Variants in JMJD1C observed in about 807,000 individuals in gnomAD.
The protein encoded by JMJD1C is jumonji domain containing 1C.
A neutral mutation model predicts 245.3 loss-of-function variants in JMJD1C; 31 were observed. That is an observed-to-expected ratio of 0.13 (90% CI 0.09 to 0.17). The LOEUF (loss-of-function observed/expected upper bound fraction) is 0.17, where lower values mean the gene tolerates loss of function less well. Among genes scored for constraint, JMJD1C ranks in the 10% least tolerant of loss-of-function variants. JMJD1C has a pLI of 1.00. For missense variants in JMJD1C, 2,691 were observed against 3,000.2 expected, an observed-to-expected ratio of 0.90 and a Z score of 2.41; for synonymous variants, 1,057 against 1,017.4, an observed-to-expected ratio of 1.04 and a Z score of -0.74.
At chr10:63,213,107 A>C (rs1847558874) in intron 8 of JMJD1C, among the ~76,000 whole-genome samples, 1 of 150,156 alleles carries the variant, frequency 6.7e-6, no homozygotes, top group Non-Finnish European at 1.5e-5. Context: ...AATTGCTTGA[A>C]CCTGGGAGGC....
chr10:63,484,236 G>GATA (rs1953916795), intron 1 of JMJD1C, among the ~76,000 whole-genome samples: 46 of 92,740 alleles, frequency 5.0e-4, no homozygotes, highest in African/African-American at 1.4e-3. Context: ...ATGGATGGAT[G>GATA]GATAGATAGA....
intron 1 of JMJD1C, among the ~76,000 whole-genome samples, chr10:63,410,527 C>A (rs1167891861): frequency 6.6e-6 from 1 of 152,100 alleles, no homozygotes; most frequent in Admixed American, 6.6e-5. Flanking sequence ...GAAAAACCTT[C>A]CATAAGAATC....
intron 2 of JMJD1C, among the ~76,000 whole-genome samples, chr10:63,378,991 T>C (rs1240793031): frequency 6.6e-6 from 1 of 152,144 alleles, no homozygotes; most frequent in Non-Finnish European, 1.5e-5. Flanking sequence ...ATTTTGTTTT[T>C]AAAAATGCCA....
chr10:63,488,847 G>C (rs550413305), intron 1 of JMJD1C, among the ~76,000 whole-genome samples: 1 of 152,052 alleles, frequency 6.6e-6, no homozygotes. Context: ...TCTTATTCTG[G>C]GTGCTGTTTA....
chr10:63,316,807 G>C (rs980547262), intron 2 of JMJD1C, among the ~76,000 whole-genome samples: 4 of 152,040 alleles, frequency 2.6e-5, no homozygotes, highest in South Asian at 2.1e-4. Context: ...GAATTGTATT[G>C]ATCAAGTTAA....
Position 63,191,034 on chromosome 10 carries a change from T to C in JMJD1C, c.6151A>G (p.Arg2051Gly), listed in dbSNP as rs747209324. The C allele has an allele frequency of 6.2e-7, 1 of 1,614,216 alleles. No individual in the cohort carries two copies. Among genetic ancestry groups the C allele is most frequent in the Non-Finnish European group, 8.5e-7 (1 of 1,179,990 alleles). The change falls in exon 17 of 26, where the codon AGA becomes GGA. Residue 2051 changes from arginine (R) to glycine (G), a missense_variant. By Grantham distance (125) the Arg-to-Gly change is moderately radical (BLOSUM62 -2). Around this residue, in one of 9 missense-constraint regions of JMJD1C, gnomAD observed 275 missense variants for 285.5 expected, o/e 0.96. Transcript: ENST00000399262. ...TTCTGGGACACAAGAGGTGATGTTC[T>C]GCCATTTGGAGATTCAGAGTTGTCT... is the stretch of plus-strand genomic sequence containing the variant. ...EQDNSESPNGRTSPLVSQNNE... is the reference protein window; with the variant it reads ...EQDNSESPNGGTSPLVSQNNE...
At chr10:63,306,097 T>G (rs1938186777) in intron 2 of JMJD1C, among the ~76,000 whole-genome samples, 1 of 152,098 alleles carries the variant, frequency 6.6e-6, no homozygotes. Flanking sequence ...ATTTTATTTT[T>G]TTTTAATTTT....
intron 2 of JMJD1C, among the ~76,000 whole-genome samples, chr10:63,322,077 A>C (rs1203026549): frequency 6.6e-6 from 1 of 152,236 alleles, no homozygotes; most frequent in Non-Finnish European, 1.5e-5. Flanking sequence ...GAGTATATTA[A>C]GAGGATTTTC....
intron 1 of JMJD1C, among the ~76,000 whole-genome samples, chr10:63,454,098 T>A (rs1388584277): frequency 6.6e-6 from 1 of 152,176 alleles, no homozygotes; most frequent in Non-Finnish European, 1.5e-5. Context: ...AACTTTTTAA[T>A]GGTTACTACA....
rs1375101217 is a variant in JMJD1C, at chr10:63,486,155, AAAAAAAAAAAAAAC to A, written n.113+35569_113+35582del. On this transcript the variant is annotated intron_variant and non_coding_transcript_variant, in intron 1 of 3. Transcript: ENST00000633035. ...GCAATTGTAAAAAAAAAAAAAAAAA[AAAAAAAAAAAAAAC>A]AAAAAACAGAAAACTTGAGAGAGCA... Among the ~76,000 whole-genome samples the A allele has an allele frequency of 4.6e-3, 222 of 48,198 alleles. 2 individuals are homozygous for A. In the East Asian group the frequency reaches 0.084, roughly 18 times the overall value. 31.6% of individuals were successfully genotyped at this position (48,198 alleles called of 152,430 possible).
chr10:63,199,568 G>C (rs1845803040), intron 11 of JMJD1C, among the ~76,000 whole-genome samples: 1 of 152,022 alleles, frequency 6.6e-6, no homozygotes, highest in Non-Finnish European at 1.5e-5. Flanking sequence ...ATCTTTGCCT[G>C]AACATTTCTT....
chr10:63,429,222 A>C (rs1950611504), intron 1 of JMJD1C, among the ~76,000 whole-genome samples: 1 of 151,934 alleles, frequency 6.6e-6, no homozygotes, highest in African/African-American at 2.4e-5. Context: ...CAGGTGATCC[A>C]CCCACCTCAG....
intron 2 of JMJD1C, among the ~76,000 whole-genome samples, chr10:63,320,347 T>G (rs541696479): frequency 1.3e-5 from 2 of 152,230 alleles, no homozygotes; most frequent in Non-Finnish European, 2.9e-5. Context: ...GTATTTCTAC[T>G]ACTAATGGCA....
chr10:63,381,501 C>A (rs1564856765), intron 1 of JMJD1C, among the ~76,000 whole-genome samples: 2 of 152,262 alleles, frequency 1.3e-5, no homozygotes, highest in East Asian at 3.9e-4. Context: ...CACTGCACTG[C>A]AGCCCAGGTG....
At chr10:63,310,623 TGAC>T (rs1489312243) in intron 2 of JMJD1C, among the ~76,000 whole-genome samples, 1 of 152,226 alleles carries the variant, frequency 6.6e-6, no homozygotes, top group Non-Finnish European at 1.5e-5. Context: ...CTTGATAAAT[TGAC>T]TATCCTAAAA....
intron 24 of JMJD1C, among the ~76,000 whole-genome samples, chr10:63,171,114 T>C (rs1036229468): frequency 1.3e-5 from 2 of 152,118 alleles, no homozygotes; most frequent in African/African-American, 4.8e-5. Flanking sequence ...AAACTCATGA[T>C]AAATGACCAA....
At chr10:63,199,284 C>T (rs1845768607) in intron 11 of JMJD1C, among the ~76,000 whole-genome samples, 1 of 152,122 alleles carries the variant, frequency 6.6e-6, no homozygotes, top group South Asian at 2.1e-4. Flanking sequence ...CAAATAACTA[C>T]TCTATTCAGA....
intron 1 of JMJD1C, among the ~76,000 whole-genome samples, chr10:63,419,101 A>C (rs1949968275): frequency 6.6e-6 from 1 of 150,754 alleles, no homozygotes; most frequent in East Asian, 2.0e-4. Flanking sequence ...AAATCTAGAT[A>C]AGGACCAGAC....
At chr10:63,347,306 G>A (rs112954271) in intron 2 of JMJD1C, among the ~76,000 whole-genome samples, 66 of 152,082 alleles carry the variant, frequency 4.3e-4, no homozygotes, top group African/African-American at 1.3e-3. Context: ...ATTACGGGCC[G>A]GGTGTGGTGG....
Sources: gnomAD v4.1 joint callset for allele counts (sites outside exome capture counted in the v4.1 genomes callset) on GRCh38, gnomAD v4.1.1 for gene constraint, gnomAD v4.1.1 regional missense constraint, MANE v1.5 for transcripts, NCBI Gene and HGNC (gene_info 2026-07-23, HGNC 2026-07-21) for gene names.